GCSH: variants seen among roughly 807,000 people sequenced by gnomAD.
GCSH encodes the protein glycine cleavage system H protein, mitochondrial.
GCSH carries 15 observed loss-of-function variants against 21.3 expected under a neutral mutation model. That is an observed-to-expected ratio of 0.70 (90% CI 0.47 to 1.08). The LOEUF is 1.08. Among genes scored for constraint, GCSH ranks in the 50% least tolerant of loss-of-function variants. The pLI, the probability that GCSH is intolerant of heterozygous loss-of-function variation, is 0.00. For missense variants in GCSH, 179 were observed against 217.5 expected (o/e 0.82, Z 1.11); for synonymous variants, 59 against 84.5 (o/e 0.70, Z 1.66).
At chr16:81,090,023 C>T (rs1334934141) in intron 2 of GCSH, among the ~76,000 whole-genome samples, 1 of 152,146 alleles carries the variant, frequency 6.6e-6, no homozygotes, top group Non-Finnish European at 1.5e-5. Flanking sequence ...TCTCTTAAAA[C>T]ACCACATAAT....
At chr16:81,089,655 T>A (rs1972357823) in intron 2 of GCSH, among the ~76,000 whole-genome samples, 2 of 152,118 alleles carry the variant, frequency 1.3e-5, no homozygotes, top group South Asian at 4.1e-4. Flanking sequence ...ACGAGTGCAT[T>A]CCCATCAGTT....
In GCSH at chr16:81,082,910, TCATAAGTTCATCTAGTTCTGAAGGGTTA is replaced by T. The variant is rs1972198632; in HGVS notation, c.450_477del (p.Ser150ArgfsTer10). Reference sequence around the variant, plus strand: ...ATGTATTTCTCATATGCTTCTTCACTCATAAGTTCATCTAGTTCTGAAGGGTTACTCAGTGTCATCTTGATCAGCCAAC... The same window carrying T: ...ATGTATTTCTCATATGCTTCTTCACTCTCAGTGTCATCTTGATCAGCCAAC... On this transcript the variant is annotated frameshift_variant, in exon 5 of 5. Coordinates refer to ENST00000315467, the MANE Select transcript of GCSH (RefSeq NM_004483.5). LOFTEE classifies it high-confidence loss of function. 6.5e-7 allele frequency: 1 copy of T among 1,541,148 alleles called. No individual in the cohort carries two copies. Among genetic ancestry groups the T allele is most frequent in the Admixed American group, 1.7e-5 (1 of 59,834 alleles).
chr16:81,083,235 G>T, intron 4 of GCSH: 1 of 423,612 alleles, frequency 2.4e-6, no homozygotes. Context: ...AAATCTTTAA[G>T]GGCCGGGCAC....
chr16:81,085,809 G>A (rs1049975827), intron 3 of GCSH, among the ~76,000 whole-genome samples: 6 of 151,452 alleles, frequency 4.0e-5, no homozygotes, highest in Non-Finnish European at 7.4e-5. Flanking sequence ...GCAGTGAGCC[G>A]AGACCATGCC....
At chr16:81,085,457 A>T (rs147681414) in intron 3 of GCSH, among the ~76,000 whole-genome samples, 1 of 152,296 alleles carries the variant, frequency 6.6e-6, no homozygotes, top group African/African-American at 2.4e-5. Context: ...TGAATGCCAG[A>T]TGTGTGTAGG....
intron 2 of GCSH, among the ~76,000 whole-genome samples, chr16:81,087,981 C>T (rs1357847007): frequency 6.6e-6 from 1 of 152,096 alleles, no homozygotes; most frequent in Non-Finnish European, 1.5e-5. Context: ...CAAAAATTAG[C>T]TGGGTGTGGT....
chr16:81,095,151 A>C (rs1972477270), intron 1 of GCSH, among the ~76,000 whole-genome samples: 2 of 152,078 alleles, frequency 1.3e-5, no homozygotes, highest in Non-Finnish European at 2.9e-5. Context: ...ATTGTGCTGA[A>C]GTAGCACAAA....
intron 2 of GCSH, 89 bp from the exon 3 acceptor site, chr16:81,087,753 A>G (rs1351225330): frequency 1.2e-6 from 1 of 852,840 alleles, no homozygotes. Context: ...TGAATCCCCT[A>G]TAATGAAGAT....
intron 1 of GCSH, among the ~76,000 whole-genome samples, chr16:81,092,651 G>A (rs1372066757): frequency 2.0e-5 from 3 of 152,060 alleles, no homozygotes; most frequent in South Asian, 2.1e-4. Flanking sequence ...GCTGAGGCAT[G>A]AGAATTGCTT....
At chr16:81,085,103 C>G (rs1225694857) in intron 3 of GCSH, among the ~76,000 whole-genome samples, 1 of 150,202 alleles carries the variant, frequency 6.7e-6, no homozygotes, top group Non-Finnish European at 1.5e-5. Flanking sequence ...CCACCTCTGC[C>G]TCCCGGGTTC....
rs572907374 is a variant in GCSH, at chr16:81,083,085, T to G, written c.425-122A>C. ...ATTCTTTACAAAAACCATACATTATTTGTTCATAGAACTTTAAATTTTAGC... is the reference window on the plus strand; with the variant it reads ...ATTCTTTACAAAAACCATACATTATGTGTTCATAGAACTTTAAATTTTAGC... On this transcript the variant is annotated intron_variant, in intron 4 of 4. Coordinates refer to ENST00000315467, the MANE Select transcript of GCSH (RefSeq NM_004483.5). 266 of 752,130 alleles carry G rather than the reference T, an allele frequency of 3.5e-4. 3 individuals are homozygous for G. The South Asian group carries it at 3.6e-3, about 10-fold the overall frequency. 46.6% of individuals were successfully genotyped at this position (752,130 alleles called of 1,614,324 possible).
At chr16:81,088,732 T>C (rs998935009) in intron 2 of GCSH, among the ~76,000 whole-genome samples, 2 of 152,118 alleles carry the variant, frequency 1.3e-5, no homozygotes, top group African/African-American at 4.8e-5. Context: ...CATGAACATA[T>C]TTGGTGTTCT....
intron 4 of GCSH, 148 bp downstream of exon 4, chr16:81,084,315 C>T: frequency 1.4e-6 from 1 of 723,736 alleles, no homozygotes; most frequent in Non-Finnish European, 2.5e-6. Flanking sequence ...TTCAACTAAC[C>T]TCTGTTTTTC....
At position 81,082,148 on chromosome 16, in the gene GCSH, C is replaced by T. The variant is rs115497228; in HGVS notation, c.*718G>A. 2.0e-5 allele frequency: 9 copies of T among 453,902 alleles called. No homozygotes were observed. The highest frequency in any genetic ancestry group is 1.8e-4 in the African/African-American group (9 of 49,980). The allele number at this position is 453,902 out of a possible 1,614,324, so 28.1% of individuals were successfully genotyped here. A position where few individuals can be genotyped will look rare whatever the true frequency, so the allele number is the denominator to read the frequency against. ...TTATTTTTTATTATGTTAAAGGTGA[C>T]AGATCTTGGCTTAAGAAAAACCAGA... On this transcript the variant is annotated 3_prime_UTR_variant, in exon 5 of 5. Transcript: ENST00000315467.
rs1334352360 is a variant in GCSH at position 81,082,032 on chromosome 16, C to T, written c.*834G>A. On this transcript the variant is annotated 3_prime_UTR_variant, in exon 5 of 5. Coordinates refer to ENST00000315467, the MANE Select transcript of GCSH (RefSeq NM_004483.5). The stretch of plus-strand genomic sequence containing the variant: ...AACGTGGTTTAACAACTTAAAAACA[C>T]CATGTGCTATACTGATCAAAACTTC... 6.6e-6 allele frequency: 3 copies of T among 453,708 alleles called. No homozygotes were observed. The highest frequency in any genetic ancestry group is 2.0e-5 in the African/African-American group (1 of 50,000). 28.1% of individuals were successfully genotyped at this position (453,708 alleles called of 1,614,324 possible). A position where few individuals can be genotyped will look rare whatever the true frequency, so the allele number is the denominator to read the frequency against.
At chr16:81,095,124 G>A (rs1972476650) in intron 1 of GCSH, among the ~76,000 whole-genome samples, 2 of 150,804 alleles carry the variant, frequency 1.3e-5, no homozygotes, top group Non-Finnish European at 3.0e-5. Flanking sequence ...AAAGAAAATT[G>A]TTTTTCCCCT....
chr16:81,091,322 T>G (rs1972393230), intron 1 of GCSH: 1 of 339,668 alleles, frequency 2.9e-6, no homozygotes, highest in African/African-American at 2.2e-5. Flanking sequence ...AGAAGAAAAT[T>G]AAGATCACAA....
chr16:81,094,181 T>A (rs1190335772), intron 1 of GCSH, among the ~76,000 whole-genome samples: 1 of 152,192 alleles, frequency 6.6e-6, no homozygotes, highest in African/African-American at 2.4e-5. Flanking sequence ...ATTAAAGGCA[T>A]GAGCCACCGT....
chr16:81,094,203 A>G (rs1972455728), intron 1 of GCSH, among the ~76,000 whole-genome samples: 1 of 152,188 alleles, frequency 6.6e-6, no homozygotes, highest in Non-Finnish European at 1.5e-5. Flanking sequence ...CCTGGACAAT[A>G]ATTACTTTCT....
Sources: allele counts gnomAD v4.1 joint callset (sites outside exome capture counted in the v4.1 genomes callset), GRCh38; gene constraint gnomAD v4.1.1; transcripts MANE v1.5; gene names NCBI Gene and HGNC (gene_info 2026-07-23, HGNC 2026-07-21).